The following GRM5 variants were observed in gnomAD, a reference collection of about 807,000 sequenced individuals.
GRM5 encodes the protein metabotropic glutamate receptor 5.
Under a neutral mutation model 83.1 loss-of-function variants are expected in GRM5, and 19 were observed. The observed-to-expected ratio is 0.23, with a 90% confidence interval of 0.16 to 0.34. The LOEUF (loss-of-function observed/expected upper bound fraction) is 0.34. Ranked by LOEUF, GRM5 falls within the 10% of genes least tolerant of loss-of-function variation. GRM5 has a pLI of 1.00. For synonymous variants in GRM5, 675 were observed against 633.6 expected, an observed-to-expected ratio of 1.07 and a Z score of -0.98; for missense variants, 1,160 against 1,588.3, an observed-to-expected ratio of 0.73 and a Z score of 4.58.
chr11:88,610,087 C>T (rs1048775426), intron 4 of GRM5, among the ~76,000 whole-genome samples: 2 of 151,982 alleles, frequency 1.3e-5, no homozygotes, highest in African/African-American at 2.4e-5. Context: ...GTTTCACTGG[C>T]CTATGTGTTT....
intron 5 of GRM5, among the ~76,000 whole-genome samples, chr11:88,599,810 G>T (rs1037659853): frequency 6.6e-6 from 1 of 151,958 alleles, no homozygotes; most frequent in Admixed American, 6.6e-5. Flanking sequence ...TCAGGAGATC[G>T]AGACCATCCT....
At chr11:88,900,016 C>T (rs746214580) in intron 2 of GRM5, among the ~76,000 whole-genome samples, 6 of 151,918 alleles carry the variant, frequency 3.9e-5, no homozygotes, top group African/African-American at 9.7e-5. Context: ...ATATGGAGAC[C>T]GTCTCATATT....
At chr11:88,793,860 C>G (rs1052433198) in intron 3 of GRM5, among the ~76,000 whole-genome samples, 6 of 152,130 alleles carry the variant, frequency 3.9e-5, no homozygotes, top group Non-Finnish European at 8.8e-5. Flanking sequence ...AGGTCTTGCT[C>G]TGTCACCGTG....
chr11:88,852,618 AG>A (rs561695198), intron 2 of GRM5, among the ~76,000 whole-genome samples: 138 of 152,188 alleles, frequency 9.1e-4, no homozygotes, highest in African/African-American at 2.6e-3. Flanking sequence ...TAAAAAAGGC[AG>A]GGGGTATATG....
At chr11:88,625,774 A>G (rs1426674042) in intron 4 of GRM5, among the ~76,000 whole-genome samples, 1 of 152,166 alleles carries the variant, frequency 6.6e-6, no homozygotes, top group East Asian at 1.9e-4. Flanking sequence ...CAATTCTAAA[A>G]TAAGAGTTGA....
At chr11:88,983,605 A>G (rs1486725512) in intron 2 of GRM5, among the ~76,000 whole-genome samples, 1 of 152,194 alleles carries the variant, frequency 6.6e-6, no homozygotes, top group Admixed American at 6.5e-5. Flanking sequence ...ATACAGTTAC[A>G]TACAGTACCT....
At chr11:88,822,387 A>G (rs780450081) in intron 3 of GRM5, among the ~76,000 whole-genome samples, 10 of 152,224 alleles carry the variant, frequency 6.6e-5, no homozygotes, top group African/African-American at 1.4e-4. Context: ...GATGCAGGAT[A>G]ATAAGCAATC....
At chr11:88,621,913 A>C (rs1011337643) in intron 4 of GRM5, among the ~76,000 whole-genome samples, 2 of 152,170 alleles carry the variant, frequency 1.3e-5, no homozygotes, top group Non-Finnish European at 2.9e-5. Context: ...TGAGAGATTA[A>C]TCATCATCTC....
intron 5 of GRM5, among the ~76,000 whole-genome samples, chr11:88,600,524 T>C (rs1937954308): frequency 6.6e-6 from 1 of 151,914 alleles, no homozygotes; most frequent in African/African-American, 2.4e-5. Flanking sequence ...TTCTAAATAA[T>C]TTTAAAAATA....
intron 2 of GRM5, among the ~76,000 whole-genome samples, chr11:89,046,748 TAAC>T (rs1380887855): frequency 1.3e-5 from 2 of 152,198 alleles, no homozygotes; most frequent in Non-Finnish European, 2.9e-5. Flanking sequence ...TAATTCTCTA[TAAC>T]AACACACCTA....
intron 2 of GRM5, among the ~76,000 whole-genome samples, chr11:88,956,652 A>C (rs1418843252): frequency 1.3e-5 from 2 of 152,150 alleles, no homozygotes; most frequent in Admixed American, 1.3e-4. Context: ...TAAAAATACA[A>C]AAAATTAGCC....
At chr11:88,678,254 T>A (rs955983231) in intron 3 of GRM5, among the ~76,000 whole-genome samples, 8 of 152,042 alleles carry the variant, frequency 5.3e-5, no homozygotes, top group African/African-American at 1.9e-4. Context: ...TGATGGGGTC[T>A]TTCTATGTTA....
intron 3 of GRM5, among the ~76,000 whole-genome samples, chr11:88,801,810 C>A (rs1943401159): frequency 6.6e-6 from 1 of 152,072 alleles, no homozygotes; most frequent in Non-Finnish European, 1.5e-5. Flanking sequence ...CAATTCTAGT[C>A]CTGCTATTTA....
chr11:88,764,638 G>A (rs748222772), intron 3 of GRM5, among the ~76,000 whole-genome samples: 2 of 151,364 alleles, frequency 1.3e-5, no homozygotes, highest in Non-Finnish European at 3.0e-5. Flanking sequence ...AGGGGAAATT[G>A]GAAAATACTT....
chr11:89,051,902 C>A (rs1009593346), intron 1 of GRM5, among the ~76,000 whole-genome samples: 1 of 152,108 alleles, frequency 6.6e-6, no homozygotes, highest in Admixed American at 6.5e-5. Flanking sequence ...CTATGATTGG[C>A]GACAGTAGAT....
At chr11:88,782,640 T>C (rs897990594) in intron 3 of GRM5, among the ~76,000 whole-genome samples, 8 of 152,178 alleles carry the variant, frequency 5.3e-5, no homozygotes, top group Non-Finnish European at 8.8e-5. Context: ...TTGGCTTATT[T>C]AAGATTGTCC....
chr11:88,779,159 T>C (rs1194482081), intron 3 of GRM5, among the ~76,000 whole-genome samples: 1 of 152,230 alleles, frequency 6.6e-6, no homozygotes, highest in Non-Finnish European at 1.5e-5. Context: ...GGGTTCTTGT[T>C]CTAAAGCTTG....
At chr11:88,853,167 C>A (rs1315276603) in intron 2 of GRM5, among the ~76,000 whole-genome samples, 2 of 152,108 alleles carry the variant, frequency 1.3e-5, no homozygotes, top group African/African-American at 4.8e-5. Flanking sequence ...AAAATGTAAT[C>A]ATAGCCCAAT....
At chr11:88,755,624 T>C (rs548506611) in intron 3 of GRM5, among the ~76,000 whole-genome samples, 125 of 152,310 alleles carry the variant, frequency 8.2e-4, no homozygotes, top group South Asian at 2.7e-3. Context: ...TTTATGGAAT[T>C]GTAGTATGCC....
Sources: gnomAD v4.1 joint callset for allele counts (sites outside exome capture counted in the v4.1 genomes callset) on GRCh38, gnomAD v4.1.1 for gene constraint, MANE v1.5 for transcripts, NCBI Gene and HGNC (gene_info 2026-07-23, HGNC 2026-07-21) for gene names.